Variants in PPL observed in about 807,000 individuals in gnomAD.
PPL encodes 190 kDa paraneoplastic pemphigus antigen.
PPL carries 198 observed loss-of-function variants against 194.4 expected under a neutral mutation model. The observed-to-expected ratio is 1.02, with a 90% confidence interval of 0.91 to 1.15. PPL has a LOEUF of 1.15. Ranked by LOEUF, PPL falls within the 50% of genes most tolerant of loss-of-function variation. The pLI is 0.00. For missense variants in PPL, 2,885 were observed against 2,294.8 expected (o/e 1.26, Z -5.25); for synonymous variants, 1,220 against 972.4 (o/e 1.25, Z -4.74).
intron 1 of PPL, among the ~76,000 whole-genome samples, chr16:4,929,199 A>T (rs2089197853): frequency 6.6e-6 from 1 of 151,748 alleles, no homozygotes; most frequent in South Asian, 2.1e-4. Context: ...CTGTGTTCAT[A>T]CCTTTCCCAG....
chr16:4,888,461 A>C (rs1204257706), intron 19 of PPL, among the ~76,000 whole-genome samples: 1 of 152,120 alleles, frequency 6.6e-6, no homozygotes, highest in Non-Finnish European at 1.5e-5. Context: ...GTGCCCCCTG[A>C]ATTCCCCTCC....
At chr16:4,892,884 TTATAAA>T (rs1205385081) in intron 14 of PPL, 1 of 239,270 alleles carries the variant, frequency 4.2e-6, no homozygotes, top group Non-Finnish European at 8.0e-6. Context: ...GGCCTGGAGT[TTATAAA>T]TACAAACGCT....
chr16:4,902,419 A>G lies in PPL; in HGVS notation c.425T>C (p.Val142Ala). Residue 142 changes from valine to alanine, a missense_variant, in exon 4 of 22, where the codon GTG becomes GCG. Transcript: ENST00000345988. The surrounding 1 kb of genome is among the most constrained non-coding windows in gnomAD (Gnocchi z 4.0). ...VDPQVNWAAL[V>A]EEKLDKLNNQ... ...TCCAGGCCATACCAGCTTCTCCTCC[A>G]CCAGTGCCGCCCAGTTGACCTGTGG... 1 of 1,613,736 alleles carries G rather than the reference A, an allele frequency of 6.2e-7. No individual in the cohort carries two copies. The highest frequency in any genetic ancestry group is 8.5e-7 in the Non-Finnish European group (1 of 1,179,864).
chr16:4,933,375 G>A (rs946024608), intron 1 of PPL, among the ~76,000 whole-genome samples: 3 of 152,188 alleles, frequency 2.0e-5, no homozygotes, highest in Non-Finnish European at 4.4e-5. Context: ...AGGTCTGGGT[G>A]GAGGGGCAAG....
At chr16:4,907,308 TCA>T (rs56210938) in intron 2 of PPL, among the ~76,000 whole-genome samples, 8,945 of 145,494 alleles carry the variant, frequency 0.061, 333 homozygotes, top group East Asian at 0.13. Flanking sequence ...ATATCTAATC[TCA>T]CACACACACA....
At position 4,895,393 on chromosome 16, in the gene PPL, C is replaced by T. The variant is rs1290909038; in HGVS notation, c.1110G>A (p.Val370=). The T allele has an allele frequency of 1.2e-6, 2 of 1,613,318 alleles. No individual in the cohort carries two copies. The highest frequency in any genetic ancestry group is 1.1e-5 in the South Asian group (1 of 91,076). ...LLRELDDQEK[V]LDKYEDVVQG... is the part of the protein sequence containing the mutation. ...GCACCACGTCCTCATACTTGTCCAG[C>T]ACCTTCTCCTGGTCCTGGAGAGAAC... The change falls in exon 11 of 22, where the codon GTG becomes GTA. Residue 370 remains valine, a synonymous_variant. Coordinates refer to ENST00000345988, the MANE Select transcript of PPL (RefSeq NM_002705.5).
intron 19 of PPL, chr16:4,888,572 C>T (rs981822978): frequency 4.4e-5 from 13 of 298,164 alleles, no homozygotes; most frequent in African/African-American, 1.1e-4. Flanking sequence ...TCATGTTTAC[C>T]AGCTTGCTGA....
chr16:4,927,170 A>G (rs1475830394), intron 1 of PPL, among the ~76,000 whole-genome samples: 3 of 152,194 alleles, frequency 2.0e-5, no homozygotes, highest in Non-Finnish European at 2.9e-5. Context: ...CAAAACACAC[A>G]CCTTCCCCAA....
intron 8 of PPL, among the ~76,000 whole-genome samples, chr16:4,898,667 G>A (rs564759792): frequency 2.3e-4 from 35 of 152,122 alleles, no homozygotes; most frequent in Non-Finnish European, 3.1e-4. Flanking sequence ...AGGGAATGAG[G>A]CCCTAAGACA....
intron 1 of PPL, among the ~76,000 whole-genome samples, chr16:4,930,176 T>G (rs1220351541): frequency 6.6e-6 from 1 of 152,192 alleles, no homozygotes; most frequent in East Asian, 1.9e-4. Context: ...TCAACTGCAC[T>G]CTCTTTATCC....
In PPL at chr16:4,895,374, C is replaced by T. The variant is rs542280062; in HGVS notation, c.1129G>A (p.Val377Met). The change falls in exon 11 of 22, where the codon GTG (valine) becomes ATG (methionine). Residue 377 changes from valine to methionine, a missense_variant. By Grantham distance (21) the Val-to-Met change is conservative. Transcript: ENST00000345988. ...CCTCGCTTCTGCAGCCCCTGCACCA[C>T]GTCCTCATACTTGTCCAGCACCTTC... ...QEKVLDKYED[V>M]VQGLQKRGQQ... 9.3e-6 allele frequency: 15 copies of T among 1,613,430 alleles called. No homozygotes were observed. The East Asian group carries it at 2.5e-4, about 26-fold the overall frequency.
At chr16:4,897,540 TG>T (rs2088455669) in intron 9 of PPL, 134 bp downstream of exon 9, 1 of 647,466 alleles carries the variant, frequency 1.5e-6, no homozygotes, top group Non-Finnish European at 2.7e-6. Context: ...GCATGGGTGC[TG>T]GGGGCCTGGG....
At chr16:4,908,614 T>C (rs1199183070) in intron 2 of PPL, among the ~76,000 whole-genome samples, 1 of 152,216 alleles carries the variant, frequency 6.6e-6, no homozygotes, top group Non-Finnish European at 1.5e-5. Flanking sequence ...CTCTGCTCAC[T>C]GCAGCCTCAA....
Position 4,936,675 on chromosome 16 carries a change from G to A in PPL, c.62+309C>T, listed in dbSNP as rs1485168617. On this transcript the variant is annotated intron_variant, in intron 1 of 21. Coordinates refer to ENST00000345988, the MANE Select transcript of PPL (RefSeq NM_002705.5). ...TGCGCAAGAGCGACCCTGGGACACG[G>A]GGGTGCCCTGTACCCCCAGCTCAGC... Among the ~76,000 whole-genome samples the A allele has an allele frequency of 2.6e-5, 4 of 152,122 alleles. No individual in the cohort carries two copies. The East Asian group carries it at 5.8e-4, about 22-fold the overall frequency.
At chr16:4,894,246 G>C (rs2088375582) in intron 12 of PPL, among the ~76,000 whole-genome samples, 1 of 152,186 alleles carries the variant, frequency 6.6e-6, no homozygotes, top group Non-Finnish European at 1.5e-5. Flanking sequence ...ACTCGTGAGG[G>C]GGCCAGGACG....
rs762778772 is a variant in PPL, at chr16:4,895,293, C to T, written c.1210G>A (p.Val404Met). 2.8e-5 allele frequency: 45 copies of T among 1,611,636 alleles called. No homozygotes were observed. The highest frequency in any genetic ancestry group is 3.7e-5 in the Non-Finnish European group (44 of 1,179,028). The stretch of plus-strand genomic sequence containing the variant: ...CCCTCAAAGTCACAGAGTGCCTCCA[C>T]GGGGATGGGCTTGAGCGGAGTCTCC... ...RRETPLKPIP[V>M]EALCDFEGEQ... Residue 404 changes from valine (V) to methionine (M), a missense_variant, in exon 11 of 22, where the codon GTG (valine) becomes ATG (methionine). Val to Met is a conservative substitution (Grantham distance 21). Transcript: ENST00000345988.
chr16:4,891,197 T>C (rs145215397), intron 16 of PPL, among the ~76,000 whole-genome samples: 546 of 152,328 alleles, frequency 3.6e-3, no homozygotes, highest in Non-Finnish European at 5.5e-3. Context: ...TGTCTGGTCA[T>C]GAGGCTGTGG....
At chr16:4,912,997 G>A (rs1329579911) in intron 1 of PPL, among the ~76,000 whole-genome samples, 3 of 152,054 alleles carry the variant, frequency 2.0e-5, no homozygotes, top group Non-Finnish European at 2.9e-5. Context: ...CCAGCTACTC[G>A]GGAGGCTGAG....
At chr16:4,934,992 C>T (rs1459534589) in intron 1 of PPL, among the ~76,000 whole-genome samples, 6 of 152,192 alleles carry the variant, frequency 3.9e-5, no homozygotes, top group Non-Finnish European at 5.9e-5. Flanking sequence ...AAGGAATGGT[C>T]TTGCACCCCA....
Sources: allele counts gnomAD v4.1 joint callset (sites outside exome capture counted in the v4.1 genomes callset), GRCh38; gene constraint gnomAD v4.1.1; non-coding constraint Gnocchi (gnomAD v3.1); transcripts MANE v1.5; gene names NCBI Gene and HGNC (gene_info 2026-07-23, HGNC 2026-07-21).